METAP1: variants seen among roughly 807,000 people sequenced by gnomAD.
The protein encoded by METAP1 is methionyl aminopeptidase 1, also known as methionine aminopeptidase 1.
METAP1 carries 28 observed loss-of-function variants against 53.8 expected under a neutral mutation model. The ratio of observed to expected loss-of-function variants is 0.52; its 90% CI spans 0.39 to 0.71. The LOEUF (loss-of-function observed/expected upper bound fraction) is 0.71. Ranked by LOEUF, METAP1 falls within the 30% of genes least tolerant of loss-of-function variation. The probability of loss-of-function intolerance (pLI) is 0.00; values close to 1 mark genes in which losing one functional copy is unlikely to be tolerated. For missense variants in METAP1, 389 were observed against 479.8 expected, an observed-to-expected ratio of 0.81 and a Z score of 1.77; for synonymous variants, 181 against 165.7, an observed-to-expected ratio of 1.09 and a Z score of -0.71.
intron 9 of METAP1, among the ~76,000 whole-genome samples, chr4:99,050,574 T>C (rs1448700702): frequency 6.6e-6 from 1 of 152,108 alleles, no homozygotes; most frequent in East Asian, 1.9e-4. Flanking sequence ...CGCAGACAGG[T>C]ACCAATCCAT....
intron 1 of METAP1, among the ~76,000 whole-genome samples, chr4:99,003,668 G>A (rs867387358): frequency 6.6e-5 from 10 of 152,280 alleles, no homozygotes; most frequent in African/African-American, 2.4e-4. Flanking sequence ...TTTTGATATT[G>A]AGTAGAATAA....
chr4:99,023,316 A>G, intron 1 of METAP1: 1 of 692,054 alleles, frequency 1.4e-6, no homozygotes, highest in South Asian at 5.1e-5. Context: ...TTGTCAGATT[A>G]TTTCCTTTGG....
intron 1 of METAP1, among the ~76,000 whole-genome samples, chr4:99,007,390 C>T (rs1723226615): frequency 6.6e-6 from 1 of 152,108 alleles, no homozygotes; most frequent in Admixed American, 6.5e-5. Context: ...TTTTTAACCT[C>T]ACAATTGGCA....
At chr4:99,039,548 G>A (rs891432773) in intron 5 of METAP1, 83 bp downstream of exon 5, 2 of 774,154 alleles carry the variant, frequency 2.6e-6, no homozygotes, top group African/African-American at 1.8e-5. Context: ...GATTTATAAA[G>A]ATAGCAAATG....
intron 1 of METAP1, among the ~76,000 whole-genome samples, chr4:99,009,777 T>A (rs1723379732): frequency 6.6e-6 from 1 of 152,240 alleles, no homozygotes; most frequent in Non-Finnish European, 1.5e-5. Flanking sequence ...GTCAACCCAT[T>A]ACCAGGTATG....
intron 1 of METAP1, among the ~76,000 whole-genome samples, chr4:98,998,343 C>G (rs1722736962): frequency 6.6e-6 from 1 of 151,962 alleles, no homozygotes; most frequent in South Asian, 2.1e-4. Flanking sequence ...GGCAACATGT[C>G]AAAACCCTGT....
At chr4:99,060,091 T>A (rs775163158) in intron 10 of METAP1, among the ~76,000 whole-genome samples, 2 of 152,058 alleles carry the variant, frequency 1.3e-5, no homozygotes, top group Non-Finnish European at 2.9e-5. Flanking sequence ...TCATTCAAGT[T>A]TTTTTTCTGA....
chr4:98,998,809 G>T (rs1208654077), intron 1 of METAP1, among the ~76,000 whole-genome samples: 1 of 151,564 alleles, frequency 6.6e-6, no homozygotes, highest in Non-Finnish European at 1.5e-5. Context: ...TTAGAAAAAT[G>T]AGGATTTTTT....
chr4:99,004,073 T>C (rs1367686666), intron 1 of METAP1, among the ~76,000 whole-genome samples: 1 of 152,194 alleles, frequency 6.6e-6, no homozygotes, highest in Non-Finnish European at 1.5e-5. Context: ...CTTATTTTAC[T>C]AGTTTATTAT....
At chr4:99,022,751 G>A (rs972803100) in intron 1 of METAP1, 30 of 1,600,970 alleles carry the variant, frequency 1.9e-5, no homozygotes, top group African/African-American at 9.4e-5. Flanking sequence ...ACCCATAGGC[G>A]TGTTGTGTAG....
intron 1 of METAP1, among the ~76,000 whole-genome samples, chr4:99,002,464 G>C (rs1296162907): frequency 3.3e-5 from 5 of 152,162 alleles, no homozygotes; most frequent in African/African-American, 9.7e-5. Flanking sequence ...GGCAGGTAGT[G>C]CTCCCAGCTC....
In METAP1 at chr4:99,005,491, G is replaced by A. The variant is rs149926204; in HGVS notation, c.114+9624G>A. Reference sequence around the variant, plus strand: ...AAAAGTCAAAGAACAATAGATGTTGGCATGGATGTGATGAAAAGGGAATAC... The same window carrying A: ...AAAAGTCAAAGAACAATAGATGTTGACATGGATGTGATGAAAAGGGAATAC... On this transcript the variant is annotated intron_variant, in intron 1 of 10. Coordinates refer to ENST00000296411, the MANE Select transcript of METAP1 (RefSeq NM_015143.3). Among the ~76,000 whole-genome samples the A allele has an allele frequency of 1.8e-3, 281 of 152,294 alleles. 1 individual carries two copies. Among genetic ancestry groups the A allele is most frequent in the African/African-American group, 6.6e-3 (275 of 41,568 alleles).
At chr4:99,019,444 T>C (rs1293981549) in intron 1 of METAP1, among the ~76,000 whole-genome samples, 2 of 152,186 alleles carry the variant, frequency 1.3e-5, no homozygotes, top group African/African-American at 2.4e-5. Flanking sequence ...TTTTTCCACA[T>C]TTATAATACC....
intron 9 of METAP1, among the ~76,000 whole-genome samples, chr4:99,055,093 A>T (rs542061675): frequency 9.4e-4 from 143 of 151,512 alleles, no homozygotes; most frequent in Non-Finnish European, 1.5e-3. Flanking sequence ...ATTTATTTTT[A>T]AAAAAAAAAG....
chr4:99,026,497 A>AG (rs757180158), intron 1 of METAP1: 245 of 985,410 alleles, frequency 2.5e-4, no homozygotes, highest in Admixed American at 1.3e-3. Context: ...TGTTAGGATT[A>AG]GGTAGGTCAG....
At chr4:99,012,274 T>G (rs1723514490) in intron 1 of METAP1, among the ~76,000 whole-genome samples, 1 of 150,808 alleles carries the variant, frequency 6.6e-6, no homozygotes, top group Non-Finnish European at 1.5e-5. Context: ...TGTGAGTTTT[T>G]TTTTTTTTTT....
At chr4:99,026,567 G>T (rs1724579630) in intron 1 of METAP1, 1 of 985,294 alleles carries the variant, frequency 1.0e-6, no homozygotes, top group Admixed American at 6.2e-5. Flanking sequence ...CTAAATCTAG[G>T]TTAGTTAGGT....
At chr4:99,029,718 T>C (rs1281595404) in intron 2 of METAP1, among the ~76,000 whole-genome samples, 1 of 152,202 alleles carries the variant, frequency 6.6e-6, no homozygotes, top group African/African-American at 2.4e-5. Context: ...TGGTGTCTTA[T>C]ATTCATCTAC....
chr4:99,013,070 T>A (rs1723565711), intron 1 of METAP1, among the ~76,000 whole-genome samples: 1 of 152,210 alleles, frequency 6.6e-6, no homozygotes, highest in South Asian at 2.1e-4. Flanking sequence ...GTTTTTGTTT[T>A]TATTTGTGTT....
Sources: gnomAD v4.1 joint callset for allele counts (sites outside exome capture counted in the v4.1 genomes callset) on GRCh38, gnomAD v4.1.1 for gene constraint, MANE v1.5 for transcripts, NCBI Gene and HGNC (gene_info 2026-07-23, HGNC 2026-07-21) for gene names.